The following RELCH variants were observed in gnomAD, a reference collection of about 807,000 sequenced individuals.
The protein encoded by RELCH is RAB11-binding protein RELCH.
RELCH carries 41 observed loss-of-function variants against 150.3 expected under a neutral mutation model. The ratio of observed to expected loss-of-function variants is 0.27; its 90% CI spans 0.21 to 0.35. The LOEUF (loss-of-function observed/expected upper bound fraction) is 0.35. Ranked by LOEUF, RELCH falls within the 10% of genes least tolerant of loss-of-function variation. The pLI is 1.00. For missense variants in RELCH, 1,092 were observed against 1,467.8 expected (o/e 0.74, Z 4.18); for synonymous variants, 478 against 531.8 (o/e 0.90, Z 1.39).
chr18:62,227,220 A>C lies in RELCH; in HGVS notation c.859-69A>C, dbSNP rs2041269765. The C allele has an allele frequency of 3.8e-6, 4 of 1,044,302 alleles. No individual in the cohort carries two copies. In the South Asian group the frequency reaches 6.1e-5, roughly 16 times the overall value. The allele number at this position is 1,044,302 out of a possible 1,614,324, so 64.7% of individuals were successfully genotyped here. A position where few individuals can be genotyped will look rare whatever the true frequency, so the allele number is the denominator to read the frequency against. On this transcript the variant is annotated intron_variant, in intron 5 of 28. Coordinates refer to ENST00000644646, the MANE Select transcript of RELCH (RefSeq NM_001346231.2). ...TAAAAAAAAAAAAGATATTAGCAAT[A>C]ATATGAATTTCAAAAATGTAAGATA...
At chr18:62,271,575 G>A (rs1568413277) in intron 20 of RELCH, among the ~76,000 whole-genome samples, 1 of 152,168 alleles carries the variant, frequency 6.6e-6, no homozygotes, top group Non-Finnish European at 1.5e-5. Flanking sequence ...TTGCTGTGCA[G>A]AAGCTTTTTA....
chr18:62,294,337 CTT>C (rs1316811108), intron 27 of RELCH, among the ~76,000 whole-genome samples: 1 of 152,152 alleles, frequency 6.6e-6, no homozygotes, highest in African/African-American at 2.4e-5. Context: ...TGGGAGTACT[CTT>C]TTAGTTCTTA....
At chr18:62,303,074 G>A (rs1162491349) in intron 28 of RELCH, among the ~76,000 whole-genome samples, 1 of 151,646 alleles carries the variant, frequency 6.6e-6, no homozygotes, top group African/African-American at 2.4e-5. Flanking sequence ...ATCTGGTAGA[G>A]GGGTGGGAGA....
intron 1 of RELCH, among the ~76,000 whole-genome samples, chr18:62,209,252 T>C (rs2040005767): frequency 6.6e-6 from 1 of 152,224 alleles, no homozygotes; most frequent in Admixed American, 6.5e-5. Context: ...GATTTGCTTC[T>C]GCATTTCCTA....
intron 22 of RELCH, among the ~76,000 whole-genome samples, chr18:62,276,460 C>T (rs1319304544): frequency 6.6e-6 from 1 of 152,016 alleles, no homozygotes; most frequent in East Asian, 1.9e-4. Context: ...TTATTTTTTC[C>T]ATCCATGCTA....
At chr18:62,199,691 C>T (rs1244391584) in intron 1 of RELCH, among the ~76,000 whole-genome samples, 1 of 152,172 alleles carries the variant, frequency 6.6e-6, no homozygotes, top group Non-Finnish European at 1.5e-5. Flanking sequence ...CAACATCAAA[C>T]CCAACTTACC....
chr18:62,246,641 T>G (rs1435535319), intron 11 of RELCH: 1 of 152,220 alleles, frequency 6.6e-6, no homozygotes, highest in Non-Finnish European at 1.5e-5. Flanking sequence ...AGGAAGGCCC[T>G]TGTAGTTTTC....
At chr18:62,266,790 C>A in intron 19 of RELCH, 41 bp downstream of exon 19, 1 of 1,202,470 alleles carries the variant, frequency 8.3e-7, no homozygotes. Context: ...AATTGCATTT[C>A]TTTATGCAGG....
chr18:62,252,072 C>G (rs377688554), intron 11 of RELCH, among the ~76,000 whole-genome samples: 3 of 151,970 alleles, frequency 2.0e-5, no homozygotes, highest in South Asian at 4.2e-4. Flanking sequence ...CTAGGCTCAC[C>G]GCAACCTCCG....
intron 10 of RELCH, among the ~76,000 whole-genome samples, chr18:62,238,055 A>G (rs2041964281): frequency 6.6e-6 from 1 of 151,894 alleles, no homozygotes; most frequent in African/African-American, 2.4e-5. Flanking sequence ...TAAGAAAGAA[A>G]AAGAATCCCA....
intron 27 of RELCH, among the ~76,000 whole-genome samples, chr18:62,295,110 C>T (rs1031576401): frequency 2.6e-5 from 4 of 152,166 alleles, no homozygotes; most frequent in African/African-American, 9.7e-5. Flanking sequence ...TTACCTTCCT[C>T]ATATAAAGTT....
intron 19 of RELCH, among the ~76,000 whole-genome samples, chr18:62,267,819 T>C (rs923110618): frequency 6.6e-6 from 1 of 151,982 alleles, no homozygotes; most frequent in Non-Finnish European, 1.5e-5. Flanking sequence ...TGACAGCTTT[T>C]GGAATTATTA....
intron 6 of RELCH, 32 bp downstream of exon 6, chr18:62,227,524 C>G: frequency 1.9e-6 from 3 of 1,587,316 alleles, no homozygotes; most frequent in Non-Finnish European, 2.6e-6. Flanking sequence ...GTCAAGTCCA[C>G]AGAAAGTATT....
chr18:62,208,559 G>T (rs1051923533), intron 1 of RELCH, among the ~76,000 whole-genome samples: 1 of 151,994 alleles, frequency 6.6e-6, no homozygotes, highest in East Asian at 1.9e-4. Flanking sequence ...TGTTATATAG[G>T]TAAAGTTGTG....
At chr18:62,223,453 CT>C (rs754500253) in intron 5 of RELCH, among the ~76,000 whole-genome samples, 4 of 151,980 alleles carry the variant, frequency 2.6e-5, no homozygotes, top group African/African-American at 4.8e-5. Context: ...CTTAAAAATA[CT>C]ACTACCAAGA....
At chr18:62,295,982 C>T (rs575544862) in intron 27 of RELCH, among the ~76,000 whole-genome samples, 1 of 152,204 alleles carries the variant, frequency 6.6e-6, no homozygotes, top group African/African-American at 2.4e-5. Flanking sequence ...TATTTCATAA[C>T]TGACCCATGG....
At position 62,307,511 on chromosome 18, in the gene RELCH, CTCTTT is replaced by C. The variant is rs1269008994; in HGVS notation, c.*1982_*1986del. ...TTCACAGTGTATTTCAAGTGAGAGT[CTCTTT>C]TCTTAAATATTTTAATATCATTAAG... is the stretch of plus-strand genomic sequence containing the variant. On this transcript the variant is annotated 3_prime_UTR_variant, in exon 29 of 29. Coordinates refer to ENST00000644646, the MANE Select transcript of RELCH (RefSeq NM_001346231.2). The C allele has an allele frequency of 2.6e-5, 4 of 152,062 alleles. No individual in the cohort carries two copies. Among genetic ancestry groups the C allele is most frequent in the Non-Finnish European group, 5.9e-5 (4 of 67,942 alleles). 9.4% of individuals were successfully genotyped at this position (152,062 alleles called of 1,614,324 possible). A position where few individuals can be genotyped will look rare whatever the true frequency, so the allele number is the denominator to read the frequency against.
intron 2 of RELCH, among the ~76,000 whole-genome samples, chr18:62,216,444 T>C (rs1370360113): frequency 6.6e-6 from 1 of 152,148 alleles, no homozygotes; most frequent in East Asian, 1.9e-4. Context: ...ATTACTTCTC[T>C]AGTTCACACC....
intron 1 of RELCH, 93 bp downstream of exon 1, chr18:62,188,124 A>T: frequency 7.3e-7 from 1 of 1,361,044 alleles, no homozygotes; most frequent in South Asian, 1.5e-5. Context: ...GTGGGTCCCG[A>T]TAGGGACATT....
Sources: gnomAD v4.1 joint callset for allele counts (sites outside exome capture counted in the v4.1 genomes callset) on GRCh38, gnomAD v4.1.1 for gene constraint, MANE v1.5 for transcripts, NCBI Gene and HGNC (gene_info 2026-07-23, HGNC 2026-07-21) for gene names.